DIPK1C: variants seen among roughly 807,000 people sequenced by gnomAD.
The protein encoded by DIPK1C is divergent protein kinase domain 1C, also known as familial non-conventional Alzheimer's dementia.
In DIPK1C, 33 loss-of-function variants were observed where a neutral mutation model predicts 28.0. The ratio of observed to expected loss-of-function variants is 1.18; its 90% CI spans 0.89 to 1.58. DIPK1C has a LOEUF of 1.58. Among genes scored for constraint, DIPK1C ranks in the 40% most tolerant of loss-of-function variants. The probability of loss-of-function intolerance (pLI) is 0.00; values close to 1 mark genes in which losing one functional copy is unlikely to be tolerated. For synonymous variants in DIPK1C, 255 were observed against 248.8 expected (o/e 1.02, Z -0.23); for missense variants, 569 against 568.5 (o/e 1.00, Z -0.01).
upstream of DIPK1C, among the ~76,000 whole-genome samples, chr18:74,460,245 G>T (rs72975781): frequency 0.029 from 4,417 of 152,312 alleles, 96 homozygotes; most frequent in Middle Eastern, 0.071. Flanking sequence ...TTCGGGTTGG[G>T]TTTCTGTCAT....
rs1037320631 is a variant in DIPK1C, at chr18:74,446,801, C to T, written c.681G>A (p.Ala227=). The change falls in exon 2 of 4, where the codon GCG becomes GCA. Residue 227 remains alanine, a synonymous_variant. Coordinates refer to ENST00000343998, the MANE Select transcript of DIPK1C (RefSeq NM_001044369.3). ...AGAGTGCCCTGTGGTGGGGGCTGCC[C>T]GCGGCCAGGAACTCCACCGCGTAGA... is the stretch of plus-strand genomic sequence containing the variant. The part of the protein sequence containing the change: ...GHFYAVEFLA[A]GSPHHRALFP... The T allele has an allele frequency of 2.4e-5, 35 of 1,489,338 alleles. No individual in the cohort carries two copies. The highest frequency in any genetic ancestry group is 1.7e-4 in the Admixed American group (7 of 41,446). 92.3% of individuals were successfully genotyped at this position (1,489,338 alleles called of 1,614,324 possible).
upstream of DIPK1C, among the ~76,000 whole-genome samples, chr18:74,460,948 T>G (rs767674686): frequency 3.9e-5 from 6 of 152,224 alleles, no homozygotes; most frequent in Non-Finnish European, 8.8e-5. Flanking sequence ...TGCGTGTCCG[T>G]CACTGTCTGT....
chr18:74,456,698 G>C (rs1308366439), intron 1 of DIPK1C, among the ~76,000 whole-genome samples: 4 of 152,332 alleles, frequency 2.6e-5, no homozygotes, highest in South Asian at 2.1e-4. Flanking sequence ...CTTGCGCCCC[G>C]AGCCCGGCGG....
chr18:74,451,799 T>G (rs1226561689), intron 1 of DIPK1C, among the ~76,000 whole-genome samples: 1 of 152,198 alleles, frequency 6.6e-6, no homozygotes, highest in Non-Finnish European at 1.5e-5. Context: ...CTTGGGTTTA[T>G]AACCTAACTT....
chr18:74,457,095 G>T lies in DIPK1C; in HGVS notation c.165C>A (p.Thr55=), dbSNP rs745406523. The change falls in exon 1 of 4, where the codon ACC becomes ACA. Residue 55 remains threonine, a synonymous_variant. Transcript: ENST00000343998. ...CCAGGATGCGCCGGCTCTTCTCGTC[G>T]GTGCAGCGCTCGGAGAGGACACCCG... ...AHPGVLSERC[T]DEKSRRILAA... 6.8e-7 allele frequency: 1 copy of T among 1,468,608 alleles called. No individual in the cohort carries two copies. The highest frequency in any genetic ancestry group is 1.3e-5 in the South Asian group (1 of 76,964). 91.0% of individuals were successfully genotyped at this position (1,468,608 alleles called of 1,614,324 possible). A position where few individuals can be genotyped will look rare whatever the true frequency, so the allele number is the denominator to read the frequency against.
intron 3 of DIPK1C, among the ~76,000 whole-genome samples, chr18:74,437,037 G>A (rs1986014068): frequency 6.6e-6 from 1 of 152,082 alleles, no homozygotes; most frequent in African/African-American, 2.4e-5. Flanking sequence ...CACATTTCTA[G>A]GGAGGAAGGG....
At chr18:74,449,108 CA>C (rs113985955) in intron 1 of DIPK1C, among the ~76,000 whole-genome samples, 24 of 145,824 alleles carry the variant, frequency 1.6e-4, no homozygotes, top group Middle Eastern at 3.4e-3. Context: ...GAATCTGTCT[CA>C]AAAAAAAAAA....
chr18:74,452,377 A>C (rs1986417705), intron 1 of DIPK1C, among the ~76,000 whole-genome samples: 1 of 152,070 alleles, frequency 6.6e-6, no homozygotes, highest in African/African-American at 2.4e-5. Context: ...CCTGCTAAGC[A>C]CAGAAAAAGA....
chr18:74,458,115 C>T (rs997572213), upstream of DIPK1C, among the ~76,000 whole-genome samples: 1 of 152,170 alleles, frequency 6.6e-6, no homozygotes, highest in East Asian at 1.9e-4. Context: ...TGGCCCTGGG[C>T]CCACAGGGCG....
chr18:74,463,008 A>C, the DIPK1C span, among the ~76,000 whole-genome samples: 1 of 152,166 alleles, frequency 6.6e-6, no homozygotes, highest in Non-Finnish European at 1.5e-5. Flanking sequence ...GGGTTGACCT[A>C]GTGGCAAGAG....
At chr18:74,442,627 C>A (rs1331400473) in intron 2 of DIPK1C, among the ~76,000 whole-genome samples, 1 of 152,206 alleles carries the variant, frequency 6.6e-6, no homozygotes, top group Non-Finnish European at 1.5e-5. Context: ...CCGTGCCCGG[C>A]CGCATTTTCT....
chr18:74,457,018 C>G (rs1335218496), intron 1 of DIPK1C, 44 bp downstream of exon 1: 122 of 1,378,496 alleles, frequency 8.9e-5, no homozygotes, highest in Non-Finnish European at 1.0e-4. Flanking sequence ...GTGATCCCCC[C>G]TCCCCGGACG....
intron 2 of DIPK1C, among the ~76,000 whole-genome samples, chr18:74,442,768 C>T (rs1478693117): frequency 6.6e-6 from 1 of 152,262 alleles, no homozygotes; most frequent in Non-Finnish European, 1.5e-5. Flanking sequence ...GACACTTTCT[C>T]AGCTTTGCAA....
intron 2 of DIPK1C, among the ~76,000 whole-genome samples, chr18:74,445,149 GCT>G (rs1451997826): frequency 6.6e-6 from 1 of 152,186 alleles, no homozygotes; most frequent in African/African-American, 2.4e-5. Flanking sequence ...GCTGCCCAGA[GCT>G]GGGGGTGGGG....
chr18:74,449,314 A>T (rs764351069), intron 1 of DIPK1C, among the ~76,000 whole-genome samples: 29 of 152,218 alleles, frequency 1.9e-4, no homozygotes, highest in Non-Finnish European at 4.1e-4. Flanking sequence ...AATATAAGGT[A>T]CTATATGATC....
At chr18:74,454,769 G>C (rs1986469562) in intron 1 of DIPK1C, among the ~76,000 whole-genome samples, 1 of 152,134 alleles carries the variant, frequency 6.6e-6, no homozygotes, top group African/African-American at 2.4e-5. Flanking sequence ...TGAAGATTGG[G>C]GTCGTATTTA....
At chr18:74,460,241 T>A (rs554661005), upstream of DIPK1C, among the ~76,000 whole-genome samples, 1 of 152,304 alleles carries the variant, frequency 6.6e-6, no homozygotes, top group Admixed American at 6.5e-5. Flanking sequence ...CAAGTTCGGG[T>A]TGGGTTTCTG....
intron 3 of DIPK1C, among the ~76,000 whole-genome samples, chr18:74,437,289 A>G (rs1421148429): frequency 6.6e-6 from 1 of 152,236 alleles, no homozygotes; most frequent in Non-Finnish European, 1.5e-5. Flanking sequence ...GGCATATTTG[A>G]CAGAAAAGAC....
At chr18:74,454,626 T>A (rs1254271128) in intron 1 of DIPK1C, among the ~76,000 whole-genome samples, 2 of 152,168 alleles carry the variant, frequency 1.3e-5, no homozygotes, top group East Asian at 3.9e-4. Flanking sequence ...GTTTTATTAT[T>A]ACGGATAAAA....
Sources: allele counts gnomAD v4.1 joint callset (sites outside exome capture counted in the v4.1 genomes callset), GRCh38; gene constraint gnomAD v4.1.1; transcripts MANE v1.5; gene names NCBI Gene and HGNC (gene_info 2026-07-23, HGNC 2026-07-21).